TRPM3: variants seen among roughly 807,000 people sequenced by gnomAD.
The protein encoded by TRPM3 is transient receptor potential cation channel subfamily M member 3.
A neutral mutation model predicts 181.2 loss-of-function variants in TRPM3; 77 were observed. That is an observed-to-expected ratio of 0.42 (90% CI 0.35 to 0.51). The LOEUF (loss-of-function observed/expected upper bound fraction) is 0.51, where lower values mean the gene tolerates loss of function less well. Ranked by LOEUF, TRPM3 falls within the 20% of genes least tolerant of loss-of-function variation. The probability of loss-of-function intolerance (pLI) is 0.01; values close to 1 mark genes in which losing one functional copy is unlikely to be tolerated. For synonymous variants in TRPM3, 745 were observed against 796.4 expected (o/e 0.94, Z 1.09); for missense variants, 1,759 against 2,196.7 (o/e 0.80, Z 3.98).
rs1396432862 is a variant in TRPM3, at chr9:71,080,207, T to TAAATAAATAAATAAAA, written c.177+40970_177+40971insTTTTATTTATTTATTT. On this transcript the variant is annotated intron_variant, in intron 1 of 25. Coordinates refer to ENST00000677713, the MANE Select transcript of TRPM3 (RefSeq NM_001366145.2). ...ATAAATAAATAAATAAATAAATAAA[T>TAAATAAATAAATAAAA]AAAATAAAAAGGGAGACTTTGTTCT... 3.8e-3 allele frequency among the ~76,000 whole-genome samples: 552 copies of TAAATAAATAAATAAAA among 145,804 alleles called. 2 individuals carry two copies. Among genetic ancestry groups the TAAATAAATAAATAAAA allele is most frequent in the Non-Finnish European group, 6.5e-3 (429 of 66,086 alleles).
At chr9:71,317,987 T>C (rs1434442522) in intron 1 of TRPM3, among the ~76,000 whole-genome samples, 2 of 152,150 alleles carry the variant, frequency 1.3e-5, no homozygotes, top group Non-Finnish European at 2.9e-5. Context: ...TGGTGTCTCA[T>C]GCCTGTAATC....
intron 1 of TRPM3, among the ~76,000 whole-genome samples, chr9:71,399,528 T>G (rs984301964): frequency 8.7e-6 from 1 of 114,710 alleles, no homozygotes; most frequent in Non-Finnish European, 1.6e-5. Context: ...TTTCTTTTGT[T>G]TTTTTTTTTT....
chr9:70,675,590 A>C (rs759454231), intron 9 of TRPM3, among the ~76,000 whole-genome samples: 1 of 152,236 alleles, frequency 6.6e-6, no homozygotes. Context: ...GTATGAGTTC[A>C]TATGAAAATT....
intron 1 of TRPM3, among the ~76,000 whole-genome samples, chr9:71,423,300 T>C (rs1441801306): frequency 1.3e-5 from 2 of 152,150 alleles, no homozygotes; most frequent in East Asian, 3.8e-4. Context: ...TAATTGTTTT[T>C]TAAAGAACTA....
intron 6 of TRPM3, chr9:70,827,247 T>C (rs2093609724): frequency 6.6e-6 from 1 of 152,246 alleles, no homozygotes; most frequent in Non-Finnish European, 1.5e-5. Context: ...CACAGCTAGA[T>C]CGTTGCTAAG....
intron 7 of TRPM3, among the ~76,000 whole-genome samples, chr9:70,763,449 C>A (rs1195564884): frequency 6.6e-6 from 1 of 151,950 alleles, no homozygotes; most frequent in Non-Finnish European, 1.5e-5. Context: ...AGGCAGTGAG[C>A]CAAGATCACA....
chr9:71,281,192 A>G (rs1180104533), intron 1 of TRPM3, among the ~76,000 whole-genome samples: 3 of 152,206 alleles, frequency 2.0e-5, no homozygotes, highest in East Asian at 3.8e-4. Context: ...ACAAGGACCA[A>G]CCCTGGTTTT....
chr9:71,389,021 A>G (rs1222343827), intron 1 of TRPM3, among the ~76,000 whole-genome samples: 1 of 152,080 alleles, frequency 6.6e-6, no homozygotes, highest in Non-Finnish European at 1.5e-5. Context: ...AGATGTCTTA[A>G]CTCCAAACGA....
At chr9:71,339,051 G>C (rs116712594) in intron 1 of TRPM3, among the ~76,000 whole-genome samples, 1 of 151,826 alleles carries the variant, frequency 6.6e-6, no homozygotes, top group Non-Finnish European at 1.5e-5. Context: ...TGCTAAAAAA[G>C]AATCAATACT....
At chr9:71,200,560 C>A (rs199545422) in intron 1 of TRPM3, among the ~76,000 whole-genome samples, 1 of 152,048 alleles carries the variant, frequency 6.6e-6, no homozygotes, top group African/African-American at 2.4e-5. Flanking sequence ...GGTGCTCCTG[C>A]ATTGGGTGCA....
At position 70,667,238 on chromosome 9, in the gene TRPM3, A is replaced by C. The variant is rs116079976; in HGVS notation, c.1345+14268T>G. On this transcript the variant is annotated intron_variant, in intron 9 of 25. Transcript: ENST00000677713. ...CCCGAGAACATAAGTGGAAATGATC[A>C]ACTGTGAACTTAATGGTTAGATAAA... is the stretch of plus-strand genomic sequence containing the variant. Among the ~76,000 whole-genome samples the C allele has an allele frequency of 2.4e-3, 365 of 152,212 alleles. 2 individuals carry two copies. Among genetic ancestry groups the C allele is most frequent in the African/African-American group, 8.3e-3 (346 of 41,532 alleles).
rs190506989 is a variant in TRPM3 at position 70,935,361 on chromosome 9, G to A, written c.178-70850C>T. ...CTTGGAAGCATGTACCCCTACTATG[G>A]TGTGAGAGTATCATGGCATTTGATG... On this transcript the variant is annotated intron_variant, in intron 1 of 25. Coordinates refer to ENST00000677713, the MANE Select transcript of TRPM3 (RefSeq NM_001366145.2). Among the ~76,000 whole-genome samples, 284 of 152,290 alleles carry A rather than the reference G, an allele frequency of 1.9e-3. 4 individuals are homozygous for A. In the South Asian group the frequency reaches 0.05, roughly 27 times the overall value.
chr9:71,282,874 T>C (rs993567851), intron 1 of TRPM3, among the ~76,000 whole-genome samples: 1 of 152,080 alleles, frequency 6.6e-6, no homozygotes, highest in Non-Finnish European at 1.5e-5. Context: ...CCAGCTACCT[T>C]GAACTTGTAA....
intron 3 of TRPM3, among the ~76,000 whole-genome samples, chr9:70,849,190 G>A (rs1386045853): frequency 6.6e-6 from 1 of 152,126 alleles, no homozygotes; most frequent in South Asian, 2.1e-4. Context: ...TGTTGCCTGG[G>A]CTGGAACACA....
intron 1 of TRPM3, among the ~76,000 whole-genome samples, chr9:71,308,310 T>G (rs532763950): frequency 6.6e-6 from 1 of 152,320 alleles, no homozygotes; most frequent in East Asian, 1.9e-4. Context: ...TCTGCTTGTC[T>G]TTATACATTT....
rs575968299 is a variant in TRPM3, at chr9:71,043,477, G to T, written c.177+77701C>A. Among the ~76,000 whole-genome samples the T allele has an allele frequency of 5.3e-5, 8 of 152,258 alleles. No individual in the cohort carries two copies. In the South Asian group the frequency reaches 1.7e-3, roughly 32 times the overall value. ...TAAAATATAAAAGCTACAGTTCTGGGTACAATAGGAAGGAAAACTAGGACC... is the reference window on the plus strand; with the variant it reads ...TAAAATATAAAAGCTACAGTTCTGGTTACAATAGGAAGGAAAACTAGGACC... On this transcript the variant is annotated intron_variant, in intron 1 of 25. Coordinates refer to ENST00000677713, the MANE Select transcript of TRPM3 (RefSeq NM_001366145.2).
chr9:71,341,120 T>C (rs1234049101), intron 1 of TRPM3, among the ~76,000 whole-genome samples: 2 of 152,056 alleles, frequency 1.3e-5, no homozygotes, highest in Admixed American at 6.6e-5. Context: ...AAGGAACTCT[T>C]ATAAAAAAAA....
intron 5 of TRPM3, among the ~76,000 whole-genome samples, chr9:70,834,135 C>T (rs965610956): frequency 6.6e-6 from 1 of 152,218 alleles, no homozygotes; most frequent in African/African-American, 2.4e-5. Flanking sequence ...TGCCGCCTTT[C>T]AGCTCGGCAA....
chr9:70,606,100 C>A (rs1207033770), intron 19 of TRPM3, among the ~76,000 whole-genome samples: 2 of 152,206 alleles, frequency 1.3e-5, no homozygotes, highest in Non-Finnish European at 2.9e-5. Context: ...AGCTGTATCA[C>A]CTTTTGTAAT....
Sources: gnomAD v4.1 joint callset for allele counts (sites outside exome capture counted in the v4.1 genomes callset) on GRCh38, gnomAD v4.1.1 for gene constraint, MANE v1.5 for transcripts, NCBI Gene and HGNC (gene_info 2026-07-23, HGNC 2026-07-21) for gene names.